The following WWOX variants were observed in gnomAD, a reference collection of about 807,000 sequenced individuals.
The protein encoded by WWOX is WW domain containing oxidoreductase, also known as WW domain-containing oxidoreductase.
Under a neutral mutation model 46.2 loss-of-function variants are expected in WWOX, and 69 were observed. That is an observed-to-expected ratio of 1.49 (90% CI 1.23 to 1.82). The LOEUF is 1.82. WWOX is among the 40% of genes most tolerant of loss of function. The pLI, the probability that WWOX is intolerant of heterozygous loss-of-function variation, is 0.00. For synonymous variants in WWOX, 359 were observed against 202.6 expected, an observed-to-expected ratio of 1.77 and a Z score of -6.56; for missense variants, 919 against 542.6, an observed-to-expected ratio of 1.69 and a Z score of -6.89.
At chr16:78,928,437 C>T (rs985869090) in intron 8 of WWOX, among the ~76,000 whole-genome samples, 29 of 151,566 alleles carry the variant, frequency 1.9e-4, no homozygotes, top group Non-Finnish European at 3.5e-4. Context: ...CTCCTGACCT[C>T]GTGATCTGCC....
intron 8 of WWOX, among the ~76,000 whole-genome samples, chr16:78,931,591 T>C (rs960344429): frequency 6.6e-6 from 1 of 152,100 alleles, no homozygotes. Context: ...AAACCTATAG[T>C]CTAATAGAGG....
chr16:78,177,736 A>C (rs571240047), intron 5 of WWOX, among the ~76,000 whole-genome samples: 1 of 152,208 alleles, frequency 6.6e-6, no homozygotes, highest in South Asian at 2.1e-4. Context: ...GTGGTGATAC[A>C]GTCCATACTC....
At chr16:78,430,721 C>T (rs187128987) in intron 7 of WWOX, among the ~76,000 whole-genome samples, 1 of 152,152 alleles carries the variant, frequency 6.6e-6, no homozygotes. Flanking sequence ...GGTCTCATTT[C>T]TGTATCCTTG....
At chr16:78,142,119 ATTAGT>A (rs2034009851) in intron 4 of WWOX, among the ~76,000 whole-genome samples, 1 of 152,092 alleles carries the variant, frequency 6.6e-6, no homozygotes, top group Non-Finnish European at 1.5e-5. Context: ...AATAAATATA[ATTAGT>A]TTAAGAAAAC....
At chr16:78,324,724 G>T (rs2080571506) in intron 5 of WWOX, among the ~76,000 whole-genome samples, 1 of 142,954 alleles carries the variant, frequency 7.0e-6, no homozygotes, top group African/African-American at 2.6e-5. Flanking sequence ...TCTGTGATAT[G>T]TCCAGAACAG....
At position 78,992,905 on chromosome 16, in the gene WWOX, A is replaced by G. The variant is rs1190772729; in HGVS notation, c.1057-218703A>G. ...CAAATTTCCAATTTTTTAGTTTATG[A>G]AAAAATATATCTACGTATAATTTTT... is the stretch of plus-strand genomic sequence containing the variant. On this transcript the variant is annotated intron_variant, in intron 8 of 8. Transcript: ENST00000566780. Among the ~76,000 whole-genome samples the G allele has an allele frequency of 2.0e-5, 3 of 151,928 alleles. No individual in the cohort carries two copies. The South Asian group carries it at 6.3e-4, about 32-fold the overall frequency.
chr16:78,808,531 C>T (rs186147905), intron 8 of WWOX, among the ~76,000 whole-genome samples: 21 of 152,172 alleles, frequency 1.4e-4, no homozygotes, highest in Admixed American at 7.2e-4. Context: ...TGTGAATTTC[C>T]GATGTCATAG....
intron 8 of WWOX, among the ~76,000 whole-genome samples, chr16:78,597,027 A>G (rs766655099): frequency 6.6e-5 from 10 of 152,094 alleles, no homozygotes; most frequent in African/African-American, 1.9e-4. Flanking sequence ...TCCCCTCCCA[A>G]TCTCATTGCT....
chr16:78,741,397 CTAA>C (rs1246940699), intron 8 of WWOX, among the ~76,000 whole-genome samples: 2 of 152,016 alleles, frequency 1.3e-5, no homozygotes, highest in Non-Finnish European at 2.9e-5. Context: ...CCCATCTCTA[CTAA>C]TAATACAAAA....
chr16:78,852,842 A>T (rs1394916136), intron 8 of WWOX, among the ~76,000 whole-genome samples: 1 of 152,218 alleles, frequency 6.6e-6, no homozygotes, highest in Non-Finnish European at 1.5e-5. Flanking sequence ...TGTGGGCAGA[A>T]ACTTTTATAC....
chr16:78,227,295 T>C (rs2037094857), intron 5 of WWOX, among the ~76,000 whole-genome samples: 1 of 152,186 alleles, frequency 6.6e-6, no homozygotes, highest in Non-Finnish European at 1.5e-5. Context: ...TAATGGAGTT[T>C]TATCTTCTGA....
intron 8 of WWOX, among the ~76,000 whole-genome samples, chr16:78,484,224 T>TAC (rs111629492): frequency 0.21 from 32,162 of 152,100 alleles, 3,851 homozygotes; most frequent in African/African-American, 0.32. Context: ...TTTGCAGTAA[T>TAC]ACTTTTGTAC....
At chr16:78,971,927 G>T (rs1226045909) in intron 8 of WWOX, among the ~76,000 whole-genome samples, 1 of 152,128 alleles carries the variant, frequency 6.6e-6, no homozygotes, top group Non-Finnish European at 1.5e-5. Flanking sequence ...TCTTTATGAG[G>T]ATCCATCGGG....
At chr16:78,103,554 G>T (rs559947829) in intron 1 of WWOX, among the ~76,000 whole-genome samples, 1 of 152,204 alleles carries the variant, frequency 6.6e-6, no homozygotes, top group East Asian at 1.9e-4. Context: ...GGATGCCTCT[G>T]ATCCATCCTA....
chr16:78,659,373 A>G lies in WWOX; in HGVS notation c.1056+226621A>G, dbSNP rs114862365. On this transcript the variant is annotated intron_variant, in intron 8 of 8. Transcript: ENST00000566780. ...AGGCTCGTCCCCAAGCGACAACATC[A>G]GGGTCATCTGGGAACTTGTTAGATG... Among the ~76,000 whole-genome samples the G allele has an allele frequency of 2.6e-3, 399 of 152,130 alleles. 2 individuals are homozygous for G. The highest frequency in any genetic ancestry group is 9.3e-3 in the African/African-American group (387 of 41,516).
intron 8 of WWOX, among the ~76,000 whole-genome samples, chr16:79,189,423 T>G (rs952549235): frequency 3.1e-4 from 36 of 114,916 alleles, no homozygotes; most frequent in Admixed American, 4.6e-4. Flanking sequence ...ACTCCCAGCT[T>G]TGTGTGTGTG....
rs575079807 is a variant in WWOX at position 78,996,095 on chromosome 16, C to T, written c.1057-215513C>T. The T allele has an allele frequency of 2.3e-5, 13 of 569,552 alleles. No individual in the cohort carries two copies. The East Asian group carries it at 5.9e-4, about 26-fold the overall frequency. The allele number at this position is 569,552 out of a possible 1,614,324, so 35.3% of individuals were successfully genotyped here. A position where few individuals can be genotyped will look rare whatever the true frequency, so the allele number is the denominator to read the frequency against. ...AAAAGTTATTTTGGCAAAATGAAAT[C>T]AGAACGTGGCCCCTTCCATGAAAGT... On this transcript the variant is annotated intron_variant, in intron 8 of 8. Coordinates refer to ENST00000566780, the MANE Select transcript of WWOX (RefSeq NM_016373.4).
At chr16:79,204,393 C>T (rs1462392362) in intron 8 of WWOX, 1 of 152,144 alleles carries the variant, frequency 6.6e-6, no homozygotes, top group Non-Finnish European at 1.5e-5. Flanking sequence ...GAAGCCGTTT[C>T]TTTTTCCTTC....
chr16:78,517,626 T>G (rs915676850), intron 8 of WWOX, among the ~76,000 whole-genome samples: 5 of 152,122 alleles, frequency 3.3e-5, no homozygotes, highest in Non-Finnish European at 7.3e-5. Context: ...TCGCCACATC[T>G]GTCAAAAGTC....
Sources: gnomAD v4.1 joint callset for allele counts (sites outside exome capture counted in the v4.1 genomes callset) on GRCh38, gnomAD v4.1.1 for gene constraint, MANE v1.5 for transcripts, NCBI Gene and HGNC (gene_info 2026-07-23, HGNC 2026-07-21) for gene names.